PLD5: variants seen among roughly 807,000 people sequenced by gnomAD.
PLD5 encodes the protein inactive phospholipase D5.
PLD5 carries 36 observed loss-of-function variants against 61.1 expected under a neutral mutation model. The ratio of observed to expected loss-of-function variants is 0.59; its 90% CI spans 0.45 to 0.78. PLD5 has a LOEUF of 0.78. Among genes scored for constraint, PLD5 ranks in the 30% least tolerant of loss-of-function variants. PLD5 has a pLI of 0.00. For synonymous variants in PLD5, 243 were observed against 242.8 expected, an observed-to-expected ratio of 1.00 and a Z score of -0.01; for missense variants, 515 against 644.4, an observed-to-expected ratio of 0.80 and a Z score of 2.17.
intron 6 of PLD5, among the ~76,000 whole-genome samples, chr1:242,122,282 A>G (rs1662442329): frequency 6.6e-6 from 1 of 152,100 alleles, no homozygotes; most frequent in Non-Finnish European, 1.5e-5. Context: ...TAGCTTTAAA[A>G]TCAACAAAAA....
At chr1:242,413,985 T>G (rs1664692704) in intron 1 of PLD5, among the ~76,000 whole-genome samples, 1 of 152,094 alleles carries the variant, frequency 6.6e-6, no homozygotes. Context: ...GCTTACTATT[T>G]TAAAAACTCC....
chr1:242,242,591 C>T (rs1424414027), intron 4 of PLD5, among the ~76,000 whole-genome samples: 4 of 152,174 alleles, frequency 2.6e-5, no homozygotes, highest in Non-Finnish European at 5.9e-5. Context: ...TCTTTCACCA[C>T]CCATTAATCA....
chr1:242,275,438 G>A (rs1362739174), intron 3 of PLD5, among the ~76,000 whole-genome samples: 1 of 152,072 alleles, frequency 6.6e-6, no homozygotes. Flanking sequence ...GTTTGCCACA[G>A]ATATAAGTAT....
At chr1:242,140,710 C>G (rs1664097337) in intron 5 of PLD5, among the ~76,000 whole-genome samples, 1 of 152,140 alleles carries the variant, frequency 6.6e-6, no homozygotes, top group Non-Finnish European at 1.5e-5. Flanking sequence ...ATGGGGCCAA[C>G]TGAGACATAG....
chr1:242,342,048 G>A (rs1241730785), intron 2 of PLD5, among the ~76,000 whole-genome samples: 1 of 152,126 alleles, frequency 6.6e-6, no homozygotes, highest in Non-Finnish European at 1.5e-5. Context: ...ATATGGCAAT[G>A]TTAGCCCACC....
chr1:242,249,350 T>A (rs536742556), intron 4 of PLD5, among the ~76,000 whole-genome samples: 1 of 152,310 alleles, frequency 6.6e-6, no homozygotes, highest in East Asian at 1.9e-4. Context: ...ATCTTGTACA[T>A]CCTAGCCTTC....
chr1:242,097,103 C>A (rs1574286729), intron 9 of PLD5, among the ~76,000 whole-genome samples: 1 of 152,188 alleles, frequency 6.6e-6, no homozygotes, highest in African/African-American at 2.4e-5. Flanking sequence ...GGCTGCATAG[C>A]ATTCCACGGT....
chr1:242,505,774 G>T (rs1668699870), intron 1 of PLD5, among the ~76,000 whole-genome samples: 1 of 152,206 alleles, frequency 6.6e-6, no homozygotes, highest in African/African-American at 2.4e-5. Context: ...TCTCACTGCA[G>T]TTATACTGCA....
chr1:242,384,663 G>A (rs994125478), intron 1 of PLD5, among the ~76,000 whole-genome samples: 4 of 152,132 alleles, frequency 2.6e-5, no homozygotes, highest in Non-Finnish European at 5.9e-5. Flanking sequence ...TGTAGCAAGC[G>A]TTTTGTGAAA....
rs148827420 is a variant in PLD5, at chr1:242,109,293, C to A, written c.1071-1454G>T. Among the ~76,000 whole-genome samples the A allele has an allele frequency of 7.5e-3, 1,136 of 152,318 alleles. 15 individuals are homozygous for A. Among genetic ancestry groups the A allele is most frequent in the Non-Finnish European group, 0.014 (924 of 68,028 alleles). ...GGGAGTTTGAGACCAGCCTGGCCAA[C>A]ATGGTGAAACCCCGTCTCTAATAAA... is the stretch of plus-strand genomic sequence containing the variant. On this transcript the variant is annotated intron_variant, in intron 7 of 9. Transcript: ENST00000536534.
chr1:242,366,654 G>A (rs1661357665), intron 1 of PLD5, among the ~76,000 whole-genome samples: 1 of 151,790 alleles, frequency 6.6e-6, no homozygotes, highest in Non-Finnish European at 1.5e-5. Flanking sequence ...ACCTTTAGTG[G>A]CAAAACCCAC....
At chr1:242,100,608 G>A (rs1349957933) in intron 9 of PLD5, 60 bp downstream of exon 9, 1 of 1,268,914 alleles carries the variant, frequency 7.9e-7, no homozygotes, top group African/African-American at 1.5e-5. Flanking sequence ...GTGGAGCACA[G>A]CTGGACTACC....
At chr1:242,304,363 G>A (rs1209247263) in intron 2 of PLD5, among the ~76,000 whole-genome samples, 1 of 152,188 alleles carries the variant, frequency 6.6e-6, no homozygotes, top group Non-Finnish European at 1.5e-5. Context: ...CACCAAGGGC[G>A]ATCAGCATCA....
At chr1:242,285,488 ACT>A (rs1674970548) in intron 3 of PLD5, among the ~76,000 whole-genome samples, 1 of 152,010 alleles carries the variant, frequency 6.6e-6, no homozygotes, top group African/African-American at 2.4e-5. Flanking sequence ...ACAGAGCAAA[ACT>A]CTGTCTCAAA....
At position 242,168,153 on chromosome 1, in the gene PLD5, C is replaced by T. The variant is rs190406668; in HGVS notation, c.736-43488G>A. ...CCATGTCATCATAATGGTTAACAAT[C>T]GCCTTTAAAGAAAGCCTTTAATTGA... On this transcript the variant is annotated intron_variant, in intron 5 of 9. Coordinates refer to ENST00000536534, the MANE Select transcript of PLD5 (RefSeq NM_001372062.1). 4.6e-5 allele frequency among the ~76,000 whole-genome samples: 7 copies of T among 152,264 alleles called. No homozygotes were observed. The East Asian group carries it at 1.2e-3, about 25-fold the overall frequency.
chr1:242,344,965 G>A (rs1660045255), intron 2 of PLD5, among the ~76,000 whole-genome samples: 1 of 152,160 alleles, frequency 6.6e-6, no homozygotes, highest in African/African-American at 2.4e-5. Context: ...TGAGAGAGAA[G>A]CAAAAACAGA....
At chr1:242,436,296 C>T (rs1255959443) in intron 1 of PLD5, among the ~76,000 whole-genome samples, 1 of 152,074 alleles carries the variant, frequency 6.6e-6, no homozygotes, top group African/African-American at 2.4e-5. Context: ...GGCATTCATT[C>T]CACTTGGAAA....
intron 3 of PLD5, among the ~76,000 whole-genome samples, chr1:242,265,963 G>A (rs1673645527): frequency 6.6e-6 from 1 of 152,230 alleles, no homozygotes; most frequent in Non-Finnish European, 1.5e-5. Context: ...TAGCTGTTAA[G>A]AGGGAAATTA....
At chr1:242,194,594 C>CTATG (rs1286030128) in intron 5 of PLD5, among the ~76,000 whole-genome samples, 6 of 70,646 alleles carry the variant, frequency 8.5e-5, no homozygotes, top group Admixed American at 4.3e-4. Context: ...ATCTATCTAT[C>CTATG]TATCTATCTA....
Sources: allele counts gnomAD v4.1 joint callset (sites outside exome capture counted in the v4.1 genomes callset), GRCh38; gene constraint gnomAD v4.1.1; transcripts MANE v1.5; gene names NCBI Gene and HGNC (gene_info 2026-07-23, HGNC 2026-07-21).